PPFIA2: variants seen among roughly 807,000 people sequenced by gnomAD.
PPFIA2 encodes the protein PPFI scaffold protein A2, also known as liprin-alpha-2.
PPFIA2 carries 46 observed loss-of-function variants against 175.5 expected under a neutral mutation model. The observed-to-expected ratio is 0.26, with a 90% confidence interval of 0.21 to 0.34. PPFIA2 has a LOEUF of 0.34. PPFIA2 is among the 10% of genes least tolerant of loss of function. The pLI, the probability that PPFIA2 is intolerant of heterozygous loss-of-function variation, is 1.00. For synonymous variants in PPFIA2, 568 were observed against 511.4 expected (o/e 1.11, Z -1.49); for missense variants, 1,179 against 1,506.1 (o/e 0.78, Z 3.60).
chr12:81,345,748 T>A (rs2058961858), intron 18 of PPFIA2, among the ~76,000 whole-genome samples: 1 of 152,190 alleles, frequency 6.6e-6, no homozygotes, highest in East Asian at 1.9e-4. Context: ...ATTAATACTA[T>A]GTAGCATATC....
At chr12:81,585,109 T>C (rs1203864036) in intron 4 of PPFIA2, among the ~76,000 whole-genome samples, 4 of 135,244 alleles carry the variant, frequency 3.0e-5, no homozygotes, top group Admixed American at 1.7e-4. Context: ...ATAAAAAGCA[T>C]AAATATATAG....
chr12:81,285,114 G>C (rs774382821), intron 24 of PPFIA2, among the ~76,000 whole-genome samples: 44 of 151,858 alleles, frequency 2.9e-4, no homozygotes, highest in Non-Finnish European at 4.6e-4. Flanking sequence ...AACACCCCTT[G>C]GTATTAGTTC....
At chr12:81,436,735 ACT>A (rs1219697988) in intron 7 of PPFIA2, among the ~76,000 whole-genome samples, 1 of 152,068 alleles carries the variant, frequency 6.6e-6, no homozygotes, top group Non-Finnish European at 1.5e-5. Flanking sequence ...GTTAAAGTTG[ACT>A]CTTTTCTAAT....
At chr12:81,697,024 CTTCT>C (rs573082377) in intron 3 of PPFIA2, among the ~76,000 whole-genome samples, 431 of 152,142 alleles carry the variant, frequency 2.8e-3, no homozygotes, top group African/African-American at 9.8e-3. Flanking sequence ...AGTCTAGAAG[CTTCT>C]TTGTCATTGT....
At chr12:81,690,954 A>G (rs756043202) in intron 3 of PPFIA2, among the ~76,000 whole-genome samples, 2 of 152,052 alleles carry the variant, frequency 1.3e-5, no homozygotes, top group African/African-American at 2.4e-5. Context: ...CCTCCTTCTT[A>G]TAAGGACTCT....
At chr12:81,375,994 T>C (rs903086457) in intron 9 of PPFIA2, 52 bp from the exon 10 acceptor site, 3 of 1,481,958 alleles carry the variant, frequency 2.0e-6, no homozygotes, top group Non-Finnish European at 2.8e-6. Context: ...GATTGTTTAA[T>C]TATTGTCTTG....
chr12:81,491,045 T>C (rs1185870407), intron 4 of PPFIA2, among the ~76,000 whole-genome samples: 2 of 151,938 alleles, frequency 1.3e-5, no homozygotes, highest in Non-Finnish European at 2.9e-5. Flanking sequence ...GTGCAATTGT[T>C]TTCCTTCTGC....
chr12:81,570,033 C>T (rs2072191371), intron 4 of PPFIA2, among the ~76,000 whole-genome samples: 1 of 152,090 alleles, frequency 6.6e-6, no homozygotes, highest in African/African-American at 2.4e-5. Flanking sequence ...GCCAGTTATC[C>T]TGAATTATTT....
At chr12:81,623,070 T>A (rs1205714573) in intron 4 of PPFIA2, among the ~76,000 whole-genome samples, 1 of 152,128 alleles carries the variant, frequency 6.6e-6, no homozygotes, top group Non-Finnish European at 1.5e-5. Flanking sequence ...TAGTGACTAT[T>A]CTCTTCCATA....
At chr12:81,711,695 C>T (rs956248328) in intron 3 of PPFIA2, among the ~76,000 whole-genome samples, 5 of 150,736 alleles carry the variant, frequency 3.3e-5, no homozygotes, top group African/African-American at 1.2e-4. Context: ...TTAGTGCCAA[C>T]ATCAGCTTGA....
At chr12:81,675,701 A>T (rs181725423) in intron 4 of PPFIA2, 8 of 152,122 alleles carry the variant, frequency 5.3e-5, no homozygotes, top group African/African-American at 1.9e-4. Context: ...ACTCACCTGA[A>T]ATACTTAGGT....
At chr12:81,401,372 T>C (rs2042072585) in intron 8 of PPFIA2, among the ~76,000 whole-genome samples, 1 of 152,198 alleles carries the variant, frequency 6.6e-6, no homozygotes, top group Admixed American at 6.5e-5. Flanking sequence ...GACTATTTTA[T>C]CTGAAACTCA....
In PPFIA2 at chr12:81,451,560, T is replaced by C. The variant is rs1028375174; in HGVS notation, c.406-5840A>G. Reference sequence around the variant, plus strand: ...GAGATTTCTTATATGCTTTAATTAATGTCTTTATTTAAACAGCCAAGCTAT... The same window carrying C: ...GAGATTTCTTATATGCTTTAATTAACGTCTTTATTTAAACAGCCAAGCTAT... On this transcript the variant is annotated intron_variant, in intron 5 of 32. Coordinates refer to ENST00000549396, the MANE Select transcript of PPFIA2 (RefSeq NM_003625.5). Among the ~76,000 whole-genome samples the C allele has an allele frequency of 3.3e-5, 5 of 152,200 alleles. No individual in the cohort carries two copies. The South Asian group carries it at 6.2e-4, about 19-fold the overall frequency.
At chr12:81,323,108 T>C (rs1391219016) in intron 22 of PPFIA2, among the ~76,000 whole-genome samples, 2 of 152,094 alleles carry the variant, frequency 1.3e-5, no homozygotes, top group Non-Finnish European at 2.9e-5. Flanking sequence ...CCCATATGGC[T>C]TTTTAAAAAA....
At chr12:81,611,633 G>C (rs576347286) in intron 4 of PPFIA2, among the ~76,000 whole-genome samples, 1 of 152,228 alleles carries the variant, frequency 6.6e-6, no homozygotes, top group Admixed American at 6.5e-5. Context: ...TTGCAGAACA[G>C]ATGTGCCCCG....
At chr12:81,372,443 CA>C (rs1021746429) in intron 11 of PPFIA2, among the ~76,000 whole-genome samples, 28 of 127,910 alleles carry the variant, frequency 2.2e-4, no homozygotes, top group Non-Finnish European at 4.3e-4. Flanking sequence ...AGTGAGTAGT[CA>C]AAAGGTTAAT....
intron 3 of PPFIA2, among the ~76,000 whole-genome samples, chr12:81,694,936 T>C (rs1257253800): frequency 6.6e-6 from 1 of 152,220 alleles, no homozygotes; most frequent in East Asian, 1.9e-4. Context: ...TAAAATTTAA[T>C]GACTATCCTC....
intron 27 of PPFIA2, among the ~76,000 whole-genome samples, chr12:81,280,379 A>G (rs2041795213): frequency 6.6e-6 from 1 of 152,174 alleles, no homozygotes; most frequent in Admixed American, 6.5e-5. Context: ...AAATATCACC[A>G]TAAGTTGGAA....
chr12:81,466,560 A>T (rs2055664878), intron 4 of PPFIA2, among the ~76,000 whole-genome samples: 1 of 151,614 alleles, frequency 6.6e-6, no homozygotes, highest in Non-Finnish European at 1.5e-5. Context: ...TCTTATTCCC[A>T]CTCTGCTTTG....
Sources: allele counts gnomAD v4.1 joint callset (sites outside exome capture counted in the v4.1 genomes callset), GRCh38; gene constraint gnomAD v4.1.1; transcripts MANE v1.5; gene names NCBI Gene and HGNC (gene_info 2026-07-23, HGNC 2026-07-21).